The following LRRC9 variants were observed in gnomAD, a reference collection of about 807,000 sequenced individuals.
LRRC9 encodes the protein leucine rich repeat containing 9.
LRRC9 carries 122 observed loss-of-function variants against 63.2 expected under a neutral mutation model. The ratio of observed to expected loss-of-function variants is 1.93; its 90% CI spans 1.67 to 2.24. The LOEUF is 2.24. Ranked by LOEUF, LRRC9 falls within the 30% of genes most tolerant of loss-of-function variation. The pLI is 0.00. For synonymous variants in LRRC9, 366 were observed against 213.1 expected (o/e 1.72, Z -6.25); for missense variants, 1,071 against 627.7 (o/e 1.71, Z -7.55).
Position 60,051,150 on chromosome 14 carries a change from T to C in LRRC9, c.3991-1915T>C, listed in dbSNP as rs1203828572. Among the ~76,000 whole-genome samples, 1 of 152,232 alleles carries C rather than the reference T, an allele frequency of 6.6e-6. No individual in the cohort carries two copies. Among genetic ancestry groups the C allele is most frequent in the Admixed American group, 6.5e-5 (1 of 15,288 alleles). The stretch of plus-strand genomic sequence containing the variant: ...GGGACTCTTCCTAGTCCGGACCTCC[T>C]GGACTCTCCAGAGCCAGCAGGCTGG... On this transcript the variant is annotated intron_variant, in intron 29 of 31. Coordinates refer to ENST00000445360, the Ensembl canonical transcript of LRRC9. The surrounding 1 kb of genome is among the most constrained non-coding windows in gnomAD (Gnocchi z 4.7).
At chr14:59,996,861 G>C (rs1477484459) in intron 17 of LRRC9, among the ~76,000 whole-genome samples, 3 of 152,168 alleles carry the variant, frequency 2.0e-5, no homozygotes, top group Non-Finnish European at 2.9e-5. Context: ...GCTGCAATTA[G>C]AGAATAATTC....
In LRRC9 at chr14:59,978,133, G is replaced by C; in HGVS notation, c.1878+1G>C. On this transcript the variant is annotated splice_donor_variant, in intron 15 of 31. Coordinates refer to ENST00000445360, the Ensembl canonical transcript of LRRC9. LOFTEE classifies it high-confidence loss of function. ...TGTTGAATTTGAGTATATTACAATG[G>C]TATGAATTGTTACATATTCTTAAAG... The C allele has an allele frequency of 1.4e-6, 1 of 701,286 alleles. No homozygotes were observed. The highest frequency in any genetic ancestry group is 2.6e-6 in the Non-Finnish European group (1 of 384,088). The allele number at this position is 701,286 out of a possible 1,614,324, so 43.4% of individuals were successfully genotyped here.
At position 59,942,479 on chromosome 14, in the gene LRRC9, G is replaced by C. The variant is rs755310342; in HGVS notation, c.727-2110G>C. On this transcript the variant is annotated intron_variant, in intron 7 of 31. Coordinates refer to ENST00000445360, the Ensembl canonical transcript of LRRC9. The surrounding 1 kb of genome is among the most constrained non-coding windows in gnomAD (Gnocchi z 5.3). ...TCTACTACCAGCGTATGAGAGTTCC[G>C]TTTTCTGGGCCCAGGTGGGCGGATC... Among the ~76,000 whole-genome samples the C allele has an allele frequency of 2.0e-5, 3 of 152,098 alleles. No homozygotes were observed. The highest frequency in any genetic ancestry group is 4.4e-5 in the Non-Finnish European group (3 of 68,020).
rs2140217326 is a variant in LRRC9 at position 60,003,634 on chromosome 14, A to G, written c.2678A>G (p.Asn893Ser). ...ATTATTCTACAGATAACTGCCTTAAATTTAGATGGACAACATCTTTTTGAA... is the reference window on the plus strand; with the variant it reads ...ATTATTCTACAGATAACTGCCTTAAGTTTAGATGGACAACATCTTTTTGAA... The change falls in exon 21 of 32, where the codon AAT becomes AGT. Residue 893 changes from asparagine (N) to serine (S), a missense_variant. Physicochemically the swap from Asn to Ser is conservative, Grantham distance 46. Coordinates refer to ENST00000445360, the Ensembl canonical transcript of LRRC9. This position sits in a 1 kb window ranked among gnomAD's most constrained non-coding sequence, Gnocchi z 4.2. The G allele has an allele frequency of 1.5e-6, 1 of 680,324 alleles. No individual in the cohort carries two copies. Among genetic ancestry groups the G allele is most frequent in the South Asian group, 1.6e-5 (1 of 62,114 alleles). The allele number at this position is 680,324 out of a possible 1,614,324, so 42.1% of individuals were successfully genotyped here.
rs987534535 is a variant in LRRC9 at position 60,053,476 on chromosome 14, C to T, written c.4131+271C>T. ...CTTAATAGCATACTTCATACTCTGA[C>T]ATAAGGAAAGTTATTTAATATTTGT... On this transcript the variant is annotated intron_variant, in intron 30 of 31. Coordinates refer to ENST00000445360, the Ensembl canonical transcript of LRRC9. The surrounding 1 kb of genome is among the most constrained non-coding windows in gnomAD (Gnocchi z 4.8). 6.6e-6 allele frequency among the ~76,000 whole-genome samples: 1 copy of T among 151,976 alleles called. No individual in the cohort carries two copies. Among genetic ancestry groups the T allele is most frequent in the Non-Finnish European group, 1.5e-5 (1 of 67,986 alleles).
intron 9 of LRRC9, 122 bp from the exon 10 acceptor site, chr14:59,960,792 T>C (rs1884271717): frequency 2.1e-6 from 1 of 481,292 alleles, no homozygotes; most frequent in South Asian, 4.2e-5. Flanking sequence ...AACACCAAGC[T>C]TTCTTTATCC....
intron 2 of LRRC9, 73 bp from the exon 3 acceptor site, chr14:59,928,195 A>G: frequency 3.5e-6 from 2 of 564,448 alleles, no homozygotes; most frequent in East Asian, 2.9e-5. Flanking sequence ...GACAATTTAT[A>G]ATTTCTAATG....
In LRRC9 at chr14:60,058,096, T is replaced by C. The variant is rs1395021681; in HGVS notation, c.4276+74T>C. 9 of 474,994 alleles carry C rather than the reference T, an allele frequency of 1.9e-5. No individual in the cohort carries two copies. The South Asian group carries it at 2.8e-4, about 15-fold the overall frequency. 29.4% of individuals were successfully genotyped at this position (474,994 alleles called of 1,614,324 possible). Reference sequence around the variant, plus strand: ...ATAAAAATATCACTTTAATTTCTAATAGTACTTAAAATTCCTTGTTTTTAA... The same window carrying C: ...ATAAAAATATCACTTTAATTTCTAACAGTACTTAAAATTCCTTGTTTTTAA... On this transcript the variant is annotated intron_variant, in intron 31 of 31. Coordinates refer to ENST00000445360, the Ensembl canonical transcript of LRRC9. This position sits in a 1 kb window ranked among gnomAD's most constrained non-coding sequence, Gnocchi z 4.4.
intron 6 of LRRC9, among the ~76,000 whole-genome samples, chr14:59,935,454 C>T (rs1038259526): frequency 1.3e-5 from 2 of 152,088 alleles, no homozygotes; most frequent in African/African-American, 2.4e-5. Context: ...TTCTAGAAAG[C>T]ATTTAGATAA....
Position 60,053,381 on chromosome 14 carries a change from GCTCACACA to G in LRRC9, c.4131+178_4131+185del, listed in dbSNP as rs1487540320. ...TGGATTTGGTGAATAGAGCATGCGT[GCTCACACA>G]CACACACACACACACACACACACAC... On this transcript the variant is annotated intron_variant, in intron 30 of 31. Coordinates refer to ENST00000445360, the Ensembl canonical transcript of LRRC9. This position sits in a 1 kb window ranked among gnomAD's most constrained non-coding sequence, Gnocchi z 4.8. Among the ~76,000 whole-genome samples, 3 of 73,278 alleles carry G rather than the reference GCTCACACA, an allele frequency of 4.1e-5. No homozygotes were observed. Among genetic ancestry groups the G allele is most frequent in the South Asian group, 1.1e-3 (2 of 1,804 alleles). The allele number at this position is 73,278 out of a possible 152,430, so 48.1% of individuals were successfully genotyped here. A position where few individuals can be genotyped will look rare whatever the true frequency, so the allele number is the denominator to read the frequency against.
At chr14:59,952,301 G>T (rs893880124) in intron 8 of LRRC9, among the ~76,000 whole-genome samples, 10 of 152,190 alleles carry the variant, frequency 6.6e-5, no homozygotes, top group Admixed American at 6.5e-5. Context: ...ACTCGGAAAG[G>T]GAACTCCCTG....
chr14:59,943,945 T>C (rs1411194491), intron 7 of LRRC9, among the ~76,000 whole-genome samples: 1 of 152,018 alleles, frequency 6.6e-6, no homozygotes, highest in East Asian at 1.9e-4. Flanking sequence ...TCTCCTCAGA[T>C]AGTTCTTTTT....
chr14:59,938,989 A>T lies in LRRC9; in HGVS notation c.726+417A>T, dbSNP rs1449760730. 7.1e-6 allele frequency among the ~76,000 whole-genome samples: 1 copy of T among 140,352 alleles called. No individual in the cohort carries two copies. Among genetic ancestry groups the T allele is most frequent in the East Asian group, 2.1e-4 (1 of 4,782 alleles). 92.1% of individuals were successfully genotyped at this position (140,352 alleles called of 152,430 possible). The stretch of plus-strand genomic sequence containing the variant: ...TATATACATATATACATATATACAC[A>T]CATATATACATATACATATATACAC... On this transcript the variant is annotated intron_variant, in intron 7 of 31. Transcript: ENST00000445360. The surrounding 1 kb of genome is among the most constrained non-coding windows in gnomAD (Gnocchi z 4.2).
intron 19 of LRRC9, among the ~76,000 whole-genome samples, chr14:60,000,098 A>T (rs1302809505): frequency 6.6e-6 from 1 of 152,196 alleles, no homozygotes; most frequent in African/African-American, 2.4e-5. Context: ...TACACCATGG[A>T]ATGCTACACA....
At chr14:59,952,983 T>C (rs901606127) in intron 8 of LRRC9, among the ~76,000 whole-genome samples, 3 of 152,236 alleles carry the variant, frequency 2.0e-5, no homozygotes, top group African/African-American at 7.2e-5. Flanking sequence ...GCAAAGGACA[T>C]GAGCTCATTC....
chr14:59,977,354 C>T lies in LRRC9; in HGVS notation c.1762+7C>T. 1 of 678,132 alleles carries T rather than the reference C, an allele frequency of 1.5e-6. No individual in the cohort carries two copies. Among genetic ancestry groups the T allele is most frequent in the Non-Finnish European group, 2.7e-6 (1 of 377,218 alleles). The allele number at this position is 678,132 out of a possible 1,614,324, so 42.0% of individuals were successfully genotyped here. On this transcript the variant is annotated splice_region_variant and intron_variant, in intron 14 of 31. Transcript: ENST00000445360. Reference sequence around the variant, plus strand: ...CCTCGGAAATATTTACTAAGTATGTCTATCATAAAGATTAATGTGGTTTTA... The same window carrying T: ...CCTCGGAAATATTTACTAAGTATGTTTATCATAAAGATTAATGTGGTTTTA...
intron 29 of LRRC9, among the ~76,000 whole-genome samples, chr14:60,043,471 C>T (rs1893128888): frequency 6.6e-6 from 1 of 152,168 alleles, no homozygotes; most frequent in African/African-American, 2.4e-5. Flanking sequence ...TATGTTCCTT[C>T]TATACCCATT....
At chr14:59,943,174 A>G (rs909660531) in intron 7 of LRRC9, among the ~76,000 whole-genome samples, 8 of 152,082 alleles carry the variant, frequency 5.3e-5, no homozygotes, top group South Asian at 2.1e-4. Flanking sequence ...TCAGTTTAAT[A>G]TAGTCCCATT....
chr14:60,022,624 T>C (rs1471740777), intron 26 of LRRC9, 110 bp from the exon 27 acceptor site: 6 of 408,182 alleles, frequency 1.5e-5, no homozygotes, highest in Admixed American at 8.5e-5. Flanking sequence ...TATTAATAAA[T>C]TTATATTTTC....
Sources: allele counts gnomAD v4.1 joint callset (sites outside exome capture counted in the v4.1 genomes callset), GRCh38; gene constraint gnomAD v4.1.1; non-coding constraint Gnocchi (gnomAD v3.1); transcripts MANE v1.5; gene names NCBI Gene and HGNC (gene_info 2026-07-23, HGNC 2026-07-21).